Variants in EIF2B3 observed in about 807,000 individuals in gnomAD.
EIF2B3 encodes translation initiation factor eIF2B subunit gamma.
Under a neutral mutation model 54.1 loss-of-function variants are expected in EIF2B3, and 20 were observed. The observed-to-expected ratio is 0.37, with a 90% CI of 0.26 to 0.54. EIF2B3 has a LOEUF of 0.54. Ranked by LOEUF, EIF2B3 falls within the 20% of genes least tolerant of loss-of-function variation. The pLI is 0.86. For missense variants in EIF2B3, 448 were observed against 547.8 expected, an observed-to-expected ratio of 0.82 and a Z score of 1.82; for synonymous variants, 153 against 188.1, an observed-to-expected ratio of 0.81 and a Z score of 1.52.
intron 4 of EIF2B3, chr1:44,932,216 G>T (rs2148935584): frequency 6.6e-6 from 1 of 152,124 alleles, no homozygotes; most frequent in South Asian, 2.1e-4. Flanking sequence ...TGAGAAAAGG[G>T]TGCCAACTAG....
At chr1:44,888,473 A>ATCTCTCTCTCTCTCTCTCTCTCTC (rs3044260) in intron 6 of EIF2B3, among the ~76,000 whole-genome samples, 8 of 144,420 alleles carry the variant, frequency 5.5e-5, no homozygotes, top group African/African-American at 1.8e-4. Context: ...TGGCTTCTCA[A>ATCTCTCTCTCTCTCTCTCTCTCTC]TCTCTCTCTC....
intron 3 of EIF2B3, among the ~76,000 whole-genome samples, chr1:44,977,239 T>C (rs953441771): frequency 6.6e-6 from 1 of 152,194 alleles, no homozygotes; most frequent in Non-Finnish European, 1.5e-5. Flanking sequence ...CCACAAACCA[T>C]TGGGGAGACT....
intron 3 of EIF2B3, among the ~76,000 whole-genome samples, chr1:44,950,923 A>G (rs1456501929): frequency 6.8e-6 from 1 of 147,722 alleles, no homozygotes; most frequent in East Asian, 2.0e-4. Flanking sequence ...TCCTAGCCTC[A>G]AGTGATCCAC....
At chr1:44,938,398 G>A (rs1643980556) in intron 4 of EIF2B3, among the ~76,000 whole-genome samples, 1 of 152,042 alleles carries the variant, frequency 6.6e-6, no homozygotes, top group Non-Finnish European at 1.5e-5. Context: ...TGTAATACCA[G>A]CTACTTGGCA....
chr1:44,851,741 C>T (rs1654277280), intron 11 of EIF2B3, among the ~76,000 whole-genome samples: 1 of 152,090 alleles, frequency 6.6e-6, no homozygotes, highest in Non-Finnish European at 1.5e-5. Flanking sequence ...AGGGCAATAC[C>T]TCATATATAA....
chr1:44,870,558 C>T (rs531420881), intron 10 of EIF2B3, among the ~76,000 whole-genome samples: 1 of 152,238 alleles, frequency 6.6e-6, no homozygotes, highest in East Asian at 1.9e-4. Context: ...GTTCCCAATC[C>T]CCAAGGTTTT....
chr1:44,859,926 T>A (rs895773008), intron 10 of EIF2B3, among the ~76,000 whole-genome samples: 2 of 150,304 alleles, frequency 1.3e-5, no homozygotes, highest in Middle Eastern at 3.5e-3. Context: ...CTGGCTCATT[T>A]TTTGTATTTT....
intron 3 of EIF2B3, among the ~76,000 whole-genome samples, chr1:44,946,460 CAGGG>C (rs1230946666): frequency 7.6e-5 from 7 of 91,592 alleles, no homozygotes; most frequent in Admixed American, 6.7e-4. Context: ...TTTTTTGAGA[CAGGG>C]TCTCAGTCTG....
intron 4 of EIF2B3, among the ~76,000 whole-genome samples, chr1:44,933,872 C>T (rs560412008): frequency 8.5e-5 from 13 of 152,202 alleles, no homozygotes; most frequent in African/African-American, 3.1e-4. Context: ...CCTGTAATCC[C>T]AGCACTTTGG....
At chr1:44,879,697 C>A in intron 8 of EIF2B3, 121 bp downstream of exon 8, 1 of 1,206,028 alleles carries the variant, frequency 8.3e-7, no homozygotes, top group Admixed American at 1.9e-5. Context: ...CCAGGTCTTG[C>A]TCAACCTTGG....
chr1:44,905,519 G>A (rs1373754585), intron 5 of EIF2B3, among the ~76,000 whole-genome samples: 2 of 151,844 alleles, frequency 1.3e-5, no homozygotes, highest in Non-Finnish European at 2.9e-5. Context: ...TATTCTCTAT[G>A]ACTCACAGCA....
chr1:44,947,618 G>A (rs1482084410), intron 3 of EIF2B3, among the ~76,000 whole-genome samples: 3 of 152,002 alleles, frequency 2.0e-5, no homozygotes, highest in Non-Finnish European at 2.9e-5. Context: ...GATTTCTTAT[G>A]ACAAGGAGAA....
intron 6 of EIF2B3, among the ~76,000 whole-genome samples, chr1:44,887,796 T>C (rs565400134): frequency 6.6e-6 from 1 of 152,118 alleles, no homozygotes; most frequent in African/African-American, 2.4e-5. Context: ...TCCTGGCTAC[T>C]CGGGGGGCTG....
At position 44,850,557 on chromosome 1, in the gene EIF2B3, G is replaced by A; in HGVS notation, c.*394C>T. ...CTAGGCCTATGGGTCTAGAAAGGCTGATTAGGATAAGGGACTGAAGTACTC... is the reference window on the plus strand; with the variant it reads ...CTAGGCCTATGGGTCTAGAAAGGCTAATTAGGATAAGGGACTGAAGTACTC... On this transcript the variant is annotated 3_prime_UTR_variant, in exon 12 of 12. Transcript: ENST00000360403. The A allele has an allele frequency of 4.0e-6, 1 of 248,428 alleles. No homozygotes were observed. The highest frequency in any genetic ancestry group is 7.9e-6 in the Non-Finnish European group (1 of 126,670). The allele number at this position is 248,428 out of a possible 1,614,324, so 15.4% of individuals were successfully genotyped here. A position where few individuals can be genotyped will look rare whatever the true frequency, so the allele number is the denominator to read the frequency against.
chr1:44,902,705 G>C (rs1218424135), intron 5 of EIF2B3, among the ~76,000 whole-genome samples: 1 of 151,592 alleles, frequency 6.6e-6, no homozygotes, highest in African/African-American at 2.4e-5. Flanking sequence ...GCATGTGCCT[G>C]TGGTCCCAGC....
chr1:44,852,112 CTAAT>C (rs1654290816), intron 11 of EIF2B3, among the ~76,000 whole-genome samples: 1 of 146,058 alleles, frequency 6.8e-6, no homozygotes, highest in African/African-American at 2.5e-5. Context: ...CCACACATGG[CTAAT>C]TTTTTTTTTT....
intron 3 of EIF2B3, among the ~76,000 whole-genome samples, chr1:44,948,711 A>C (rs1004873766): frequency 7.2e-5 from 11 of 152,082 alleles, no homozygotes; most frequent in African/African-American, 2.7e-4. Context: ...AGTACAGCCT[A>C]TTTTGGAGAT....
At chr1:44,931,942 C>T (rs867195928) in intron 4 of EIF2B3, among the ~76,000 whole-genome samples, 3 of 151,942 alleles carry the variant, frequency 2.0e-5, no homozygotes, top group African/African-American at 7.3e-5. Flanking sequence ...CATGGCAAAA[C>T]CTCATACCAA....
chr1:44,956,618 T>C (rs1174629742), intron 3 of EIF2B3, among the ~76,000 whole-genome samples: 3 of 152,148 alleles, frequency 2.0e-5, no homozygotes, highest in Non-Finnish European at 4.4e-5. Context: ...TAAGATCTTA[T>C]GGCTATATAT....
Sources: allele counts gnomAD v4.1 joint callset (sites outside exome capture counted in the v4.1 genomes callset), GRCh38; gene constraint gnomAD v4.1.1; transcripts MANE v1.5; gene names NCBI Gene and HGNC (gene_info 2026-07-23, HGNC 2026-07-21).